The following MDH1 variants were observed in gnomAD, a reference collection of about 807,000 sequenced individuals.
The protein encoded by MDH1 is malate dehydrogenase 1.
Under a neutral mutation model 38.7 loss-of-function variants are expected in MDH1, and 15 were observed. The ratio of observed to expected loss-of-function variants is 0.39; its 90% CI spans 0.26 to 0.60. The LOEUF (loss-of-function observed/expected upper bound fraction) is 0.60, where lower values mean the gene tolerates loss of function less well. MDH1 is among the 20% of genes least tolerant of loss of function. The pLI is 0.56. For missense variants in MDH1, 368 were observed against 405.2 expected, an observed-to-expected ratio of 0.91 and a Z score of 0.79; for synonymous variants, 144 against 143.6, an observed-to-expected ratio of 1.00 and a Z score of -0.02.
intron 3 of MDH1, among the ~76,000 whole-genome samples, chr2:63,596,987 A>T (rs189428357): frequency 6.6e-6 from 1 of 152,330 alleles, no homozygotes; most frequent in Admixed American, 6.5e-5. Flanking sequence ...ATAAACATTT[A>T]TTATTTTTAA....
At chr2:63,594,206 C>G (rs964218418) in intron 1 of MDH1, 1 of 538,208 alleles carries the variant, frequency 1.9e-6, no homozygotes, top group Admixed American at 1.9e-5. Flanking sequence ...CTGAACACAT[C>G]AACATTGTTG....
chr2:63,600,798 G>C (rs1228329393), intron 5 of MDH1, among the ~76,000 whole-genome samples: 2 of 152,168 alleles, frequency 1.3e-5, no homozygotes, highest in Admixed American at 1.3e-4. Context: ...TGTTTGAATG[G>C]CAGGCAGTTT....
chr2:63,592,261 C>A (rs577755073), intron 1 of MDH1, among the ~76,000 whole-genome samples: 2 of 152,176 alleles, frequency 1.3e-5, no homozygotes, highest in Non-Finnish European at 1.5e-5. Flanking sequence ...ATTTTGTTAG[C>A]TATAGTTGGA....
rs371333318 is a variant in MDH1, at chr2:63,597,168, GAC to G, written c.200-229_200-228del. 60 of 530,084 alleles carry G rather than the reference GAC, an allele frequency of 1.1e-4. No homozygotes were observed. The East Asian group carries it at 6.1e-3, about 54-fold the overall frequency. The allele number at this position is 530,084 out of a possible 1,614,324, so 32.8% of individuals were successfully genotyped here. A position where few individuals can be genotyped will look rare whatever the true frequency, so the allele number is the denominator to read the frequency against. ...TAAAAGATAAAAGCTATGGAGTTTTGACATTTAAGTAATTATTGAAACAGGAA... is the reference window on the plus strand; with the variant it reads ...TAAAAGATAAAAGCTATGGAGTTTTGATTTAAGTAATTATTGAAACAGGAA... On this transcript the variant is annotated intron_variant, in intron 3 of 8. Coordinates refer to ENST00000233114, the MANE Select transcript of MDH1 (RefSeq NM_005917.4).
Position 63,597,384 on chromosome 2 carries a change from T to C in MDH1, c.200-15T>C, listed in dbSNP as rs1709333958. 1.5e-6 allele frequency: 2 copies of C among 1,352,434 alleles called. No individual in the cohort carries two copies. The highest frequency in any genetic ancestry group is 3.0e-5 in the African/African-American group (2 of 66,940). The allele number at this position is 1,352,434 out of a possible 1,614,324, so 83.8% of individuals were successfully genotyped here. A position where few individuals can be genotyped will look rare whatever the true frequency, so the allele number is the denominator to read the frequency against. ...ATGTTTAAGTAGCTCTGCGTATTTA[T>C]TGCCATGTCCACAGATGTCATCGCA... On this transcript the variant is annotated splice_polypyrimidine_tract_variant and intron_variant, in intron 3 of 8. Transcript: ENST00000233114.
chr2:63,589,155 C>G, intron 1 of MDH1, 109 bp downstream of exon 1: 2 of 1,612,204 alleles, frequency 1.2e-6, no homozygotes, highest in South Asian at 1.1e-5. Context: ...CACTGTCCTT[C>G]GCGCCCTTTG....
Position 63,599,203 on chromosome 2 carries a change from T to G in MDH1, c.409T>G (p.Cys137Gly). Residue 137 changes from cysteine (C) to glycine (G), a missense_variant, in exon 5 of 9, where the codon TGC (cysteine) becomes GGC (glycine). Physicochemically the swap from Cys to Gly is radical, Grantham distance 159. Transcript: ENST00000233114. ...IVVGNPANTN[C>G]LTASKSAPSI... is the part of the protein sequence containing the mutation. ...TGTGGGTAATCCAGCCAATACCAAC[T>G]GCCTGACTGCTTCCAAGTCAGCTCC... 1 of 1,613,832 alleles carries G rather than the reference T, an allele frequency of 6.2e-7. No individual in the cohort carries two copies. Among genetic ancestry groups the G allele is most frequent in the East Asian group, 2.2e-5 (1 of 44,842 alleles).
chr2:63,589,070 GCC>G, intron 1 of MDH1, 24 bp downstream of exon 1: 1 of 1,614,200 alleles, frequency 6.2e-7, no homozygotes, highest in Non-Finnish European at 8.5e-7. Context: ...CCGGGTTCCT[GCC>G]CACCTCTGGC....
At chr2:63,590,141 T>C (rs938297333) in intron 1 of MDH1, 8 of 152,246 alleles carry the variant, frequency 5.3e-5, no homozygotes, top group African/African-American at 1.7e-4. Context: ...TCATTTAAAT[T>C]ATGGTTTCGG....
intron 1 of MDH1, chr2:63,593,502 C>T (rs768484474): frequency 2.1e-6 from 1 of 466,590 alleles, no homozygotes; most frequent in Non-Finnish European, 4.5e-6. Context: ...TTGAAAGAAG[C>T]CTTCGAGGCT....
intron 3 of MDH1, among the ~76,000 whole-genome samples, chr2:63,596,626 G>T (rs1709316589): frequency 6.6e-6 from 1 of 152,156 alleles, no homozygotes; most frequent in Admixed American, 6.5e-5. Flanking sequence ...TCCAACTGGT[G>T]TTCCTGTCTA....
chr2:63,593,528 G>A (rs1393051963), intron 1 of MDH1: 7 of 470,568 alleles, frequency 1.5e-5, no homozygotes, highest in South Asian at 6.2e-5. Flanking sequence ...TCCTTGTTTC[G>A]TCTCAGAGAC....
intron 1 of MDH1, 160 bp from the exon 2 acceptor site, chr2:63,594,328 A>G (rs751720280): frequency 3.7e-5 from 27 of 738,778 alleles, no homozygotes; most frequent in South Asian, 3.3e-4. Flanking sequence ...CACCACGTAA[A>G]TATGCAGCAC....
intron 5 of MDH1, among the ~76,000 whole-genome samples, chr2:63,601,945 G>A (rs2106620469): frequency 6.6e-6 from 1 of 152,176 alleles, no homozygotes; most frequent in South Asian, 2.1e-4. Flanking sequence ...TCTGGTCATG[G>A]CAGACGTAAA....
chr2:63,594,211 T>C (rs1406264502), intron 1 of MDH1: 2 of 542,822 alleles, frequency 3.7e-6, no homozygotes, highest in African/African-American at 1.9e-5. Context: ...CACATCAACA[T>C]TGTTGAGCCT....
At chr2:63,597,338 A>G (rs1322129800) in intron 3 of MDH1, 61 bp from the exon 4 acceptor site, 2 of 1,314,550 alleles carry the variant, frequency 1.5e-6, no homozygotes, top group Non-Finnish European at 2.0e-6. Context: ...TTCAATATGA[A>G]AAAGAAAACT....
intron 5 of MDH1, among the ~76,000 whole-genome samples, chr2:63,602,195 G>C (rs888114329): frequency 1.3e-5 from 2 of 152,188 alleles, no homozygotes; most frequent in African/African-American, 4.8e-5. Context: ...TAAGAAAGCA[G>C]TCTCAACTAG....
chr2:63,601,129 TGTTACTCCTGGGACCTTGGCTAG>T (rs2106619006), intron 5 of MDH1, among the ~76,000 whole-genome samples: 1 of 152,358 alleles, frequency 6.6e-6, no homozygotes, highest in South Asian at 2.1e-4. Context: ...ACATGTTCTT[TGTTACTCCTGGGACCTTGGCTAG>T]GCATTGTTTC....
At chr2:63,589,158 G>C (rs1245108934) in intron 1 of MDH1, 112 bp downstream of exon 1, 4 of 1,611,920 alleles carry the variant, frequency 2.5e-6, no homozygotes, top group Admixed American at 1.7e-5. Flanking sequence ...TGTCCTTCGC[G>C]CCCTTTGGCA....
Sources: gnomAD v4.1 joint callset for allele counts (sites outside exome capture counted in the v4.1 genomes callset) on GRCh38, gnomAD v4.1.1 for gene constraint, MANE v1.5 for transcripts, NCBI Gene and HGNC (gene_info 2026-07-23, HGNC 2026-07-21) for gene names.